Variants in ADAMTSL1 observed in about 807,000 individuals in gnomAD.
ADAMTSL1 encodes the protein ADAMTS like 1.
ADAMTSL1 carries 126 observed loss-of-function variants against 201.8 expected under a neutral mutation model. The ratio of observed to expected loss-of-function variants is 0.62; its 90% CI spans 0.54 to 0.72. The LOEUF (loss-of-function observed/expected upper bound fraction) is 0.72, where lower values mean the gene tolerates loss of function less well. Ranked by LOEUF, ADAMTSL1 falls within the 30% of genes least tolerant of loss-of-function variation. The pLI is 0.00. For synonymous variants in ADAMTSL1, 1,121 were observed against 903.4 expected (o/e 1.24, Z -4.32); for missense variants, 2,679 against 2,277.8 (o/e 1.18, Z -3.59).
At chr9:18,550,553 G>T (rs1820737323) in intron 3 of ADAMTSL1, among the ~76,000 whole-genome samples, 1 of 151,844 alleles carries the variant, frequency 6.6e-6, no homozygotes, top group African/African-American at 2.4e-5. Context: ...AAACCCCAAA[G>T]AACTGAATTT....
At chr9:18,117,474 C>T (rs1193211314) in intron 1 of ADAMTSL1, among the ~76,000 whole-genome samples, 1 of 152,108 alleles carries the variant, frequency 6.6e-6, no homozygotes, top group Non-Finnish European at 1.5e-5. Context: ...GCTCTTCCTC[C>T]AGATACACCC....
At chr9:18,168,342 C>T (rs916816681) in intron 2 of ADAMTSL1, among the ~76,000 whole-genome samples, 5 of 151,990 alleles carry the variant, frequency 3.3e-5, no homozygotes, top group Non-Finnish European at 7.4e-5. Context: ...GTTCTCATTG[C>T]TAAATTGCCA....
intron 2 of ADAMTSL1, among the ~76,000 whole-genome samples, chr9:18,367,995 G>A (rs1031275492): frequency 6.6e-6 from 1 of 152,020 alleles, no homozygotes; most frequent in Non-Finnish European, 1.5e-5. Context: ...CGCCTCCCGG[G>A]TTCACGCCAT....
intron 1 of ADAMTSL1, among the ~76,000 whole-genome samples, chr9:18,011,710 T>C (rs1227870625): frequency 1.3e-5 from 2 of 152,162 alleles, no homozygotes; most frequent in African/African-American, 4.8e-5. Flanking sequence ...TCATGGAGCC[T>C]CTTTCATTTT....
intron 7 of ADAMTSL1, among the ~76,000 whole-genome samples, chr9:18,640,597 A>G (rs1317045085): frequency 6.6e-6 from 1 of 152,040 alleles, no homozygotes; most frequent in African/African-American, 2.4e-5. Context: ...ACCCATAGGC[A>G]CAACAAGCCC....
At chr9:18,094,979 C>T (rs768526699) in intron 1 of ADAMTSL1, among the ~76,000 whole-genome samples, 4 of 152,258 alleles carry the variant, frequency 2.6e-5, no homozygotes, top group South Asian at 2.1e-4. Flanking sequence ...AGAATTAGAA[C>T]GTTCAGTCCT....
chr9:18,851,390 T>C (rs1826482642), intron 23 of ADAMTSL1, among the ~76,000 whole-genome samples: 2 of 152,218 alleles, frequency 1.3e-5, no homozygotes, highest in African/African-American at 4.8e-5. Context: ...TATTTCCATC[T>C]AGCTGTTAGC....
chr9:18,312,913 G>T (rs1241122498), intron 2 of ADAMTSL1, among the ~76,000 whole-genome samples: 1 of 152,194 alleles, frequency 6.6e-6, no homozygotes, highest in Non-Finnish European at 1.5e-5. Context: ...ATGCACTTCT[G>T]TTCTTTAGAG....
At chr9:18,896,764 G>C (rs1239301635) in intron 26 of ADAMTSL1, among the ~76,000 whole-genome samples, 1 of 152,158 alleles carries the variant, frequency 6.6e-6, no homozygotes, top group Non-Finnish European at 1.5e-5. Context: ...TGCAACCAAG[G>C]CCTTGGGTTT....
At chr9:18,118,488 A>G (rs947431159) in intron 1 of ADAMTSL1, among the ~76,000 whole-genome samples, 1 of 152,164 alleles carries the variant, frequency 6.6e-6, no homozygotes, top group Non-Finnish European at 1.5e-5. Context: ...CCCTAAATGA[A>G]AGTGCCCAGT....
chr9:18,339,298 T>C lies in ADAMTSL1; in HGVS notation c.208-165531T>C, dbSNP rs543775458. 9.5e-4 allele frequency among the ~76,000 whole-genome samples: 144 copies of C among 152,206 alleles called. 1 individual carries two copies. The highest frequency in any genetic ancestry group is 2.9e-3 in the African/African-American group (120 of 41,524). On this transcript the variant is annotated intron_variant, in intron 2 of 29. Transcript: ENST00000680146. ...CCCATTAAAAAGTAGGCAAAGGACA[T>C]GAACAGACACTTTTCAAAAGATGAC...
At chr9:18,839,603 G>C (rs200859218) in intron 23 of ADAMTSL1, among the ~76,000 whole-genome samples, 1 of 152,146 alleles carries the variant, frequency 6.6e-6, no homozygotes, top group East Asian at 1.9e-4. Flanking sequence ...CTTGAGGAAT[G>C]GCCACACTGC....
intron 2 of ADAMTSL1, among the ~76,000 whole-genome samples, chr9:18,324,373 A>T (rs1213205111): frequency 2.6e-5 from 4 of 152,160 alleles, no homozygotes; most frequent in Non-Finnish European, 5.9e-5. Flanking sequence ...AGCATAGGAG[A>T]AAATCTTGAG....
chr9:18,624,179 C>T (rs1385066927), intron 5 of ADAMTSL1, among the ~76,000 whole-genome samples: 1 of 151,044 alleles, frequency 6.6e-6, no homozygotes, highest in East Asian at 1.9e-4. Flanking sequence ...TGTAATTCTG[C>T]AAAAAAAATA....
chr9:18,783,355 G>T (rs575463613), intron 19 of ADAMTSL1, among the ~76,000 whole-genome samples: 1 of 152,276 alleles, frequency 6.6e-6, no homozygotes, highest in African/African-American at 2.4e-5. Flanking sequence ...ATTAACAGGA[G>T]CTTGTTAGAA....
intron 23 of ADAMTSL1, among the ~76,000 whole-genome samples, chr9:18,875,837 G>C (rs1467928890): frequency 6.6e-6 from 1 of 152,144 alleles, no homozygotes; most frequent in Non-Finnish European, 1.5e-5. Context: ...AGTGCTTTCA[G>C]TGGATTATTG....
At chr9:18,626,888 T>G (rs532647681) in intron 5 of ADAMTSL1, among the ~76,000 whole-genome samples, 13 of 150,674 alleles carry the variant, frequency 8.6e-5, no homozygotes, top group African/African-American at 2.4e-4. Context: ...CCTTCCTTCC[T>G]TCCTTCCTTC....
chr9:17,937,424 A>G (rs1360835316), intron 1 of ADAMTSL1, among the ~76,000 whole-genome samples: 42 of 152,088 alleles, frequency 2.8e-4, no homozygotes, highest in Admixed American at 2.6e-3. Context: ...CTGCCTCTCA[A>G]TATAGCCAGT....
chr9:18,246,532 A>G (rs1831263815), intron 2 of ADAMTSL1, among the ~76,000 whole-genome samples: 1 of 152,180 alleles, frequency 6.6e-6, no homozygotes, highest in African/African-American at 2.4e-5. Flanking sequence ...GTATTTACCT[A>G]TGTCAGGCAG....
Sources: gnomAD v4.1 joint callset for allele counts (sites outside exome capture counted in the v4.1 genomes callset) on GRCh38, gnomAD v4.1.1 for gene constraint, MANE v1.5 for transcripts, NCBI Gene and HGNC (gene_info 2026-07-23, HGNC 2026-07-21) for gene names.